Variants in NT5M observed in about 807,000 individuals in gnomAD.
NT5M encodes 5',3'-nucleotidase, mitochondrial.
A neutral mutation model predicts 22.2 loss-of-function variants in NT5M; 22 were observed. That is an observed-to-expected ratio of 0.99 (90% confidence interval 0.71 to 1.41). The LOEUF is 1.41. NT5M is among the 40% of genes most tolerant of loss of function. NT5M has a pLI of 0.00. For synonymous variants in NT5M, 167 were observed against 133.0 expected (o/e 1.26, Z -1.76); for missense variants, 322 against 314.8 (o/e 1.02, Z -0.17).
rs150297812 is a variant in NT5M, at chr17:17,344,054, G to A, written c.430-740G>A. On this transcript the variant is annotated intron_variant, in intron 3 of 4. Coordinates refer to ENST00000389022, the MANE Select transcript of NT5M (RefSeq NM_020201.4). ...AATCGAGGCAAAGGGAAAGGATGCC[G>A]AGAGCCCACCAGTGGCGAGAGGATG... is the stretch of plus-strand genomic sequence containing the variant. Among the ~76,000 whole-genome samples the A allele has an allele frequency of 3.3e-5, 5 of 152,292 alleles. No individual in the cohort carries two copies. The East Asian group carries it at 7.7e-4, about 24-fold the overall frequency.
intron 2 of NT5M, among the ~76,000 whole-genome samples, chr17:17,321,219 C>T (rs1329996725): frequency 6.6e-6 from 1 of 150,732 alleles, no homozygotes; most frequent in Non-Finnish European, 1.5e-5. Flanking sequence ...AGCAAGCGGG[C>T]ATTCGGGAGG....
At chr17:17,317,397 A>AT (rs1487626733) in intron 2 of NT5M, among the ~76,000 whole-genome samples, 1 of 152,120 alleles carries the variant, frequency 6.6e-6, no homozygotes, top group African/African-American at 2.4e-5. Context: ...TTGGATAGAC[A>AT]TTTTTCCAAT....
intron 2 of NT5M, among the ~76,000 whole-genome samples, chr17:17,320,719 C>T (rs2049133521): frequency 6.6e-6 from 1 of 152,048 alleles, no homozygotes; most frequent in South Asian, 2.1e-4. Context: ...CTGAGAGCCC[C>T]CGAGGGCCTA....
At chr17:17,331,105 G>C in intron 3 of NT5M, among the ~76,000 whole-genome samples, 1 of 151,502 alleles carries the variant, frequency 6.6e-6, no homozygotes, top group East Asian at 1.9e-4. Context: ...ACTCCCTGTA[G>C]GACTTAGGCT....
intron 2 of NT5M, among the ~76,000 whole-genome samples, chr17:17,311,035 C>A (rs559356412): frequency 1.8e-3 from 271 of 152,130 alleles, no homozygotes; most frequent in South Asian, 5.4e-3. Flanking sequence ...CCTGTGTTTT[C>A]TTTAAGAGTT....
intron 2 of NT5M, among the ~76,000 whole-genome samples, chr17:17,308,787 A>G (rs959517460): frequency 6.6e-5 from 10 of 152,166 alleles, no homozygotes; most frequent in African/African-American, 1.9e-4. Context: ...GGCAACCACT[A>G]ATCTACTTTC....
intron 3 of NT5M, chr17:17,333,408 A>T (rs1007690545): frequency 6.6e-6 from 1 of 152,004 alleles, no homozygotes; most frequent in Non-Finnish European, 1.5e-5. Flanking sequence ...GGCTGAAGTG[A>T]TCCTCCCACC....
chr17:17,340,276 C>G (rs2049609667), intron 3 of NT5M, among the ~76,000 whole-genome samples: 1 of 152,110 alleles, frequency 6.6e-6, no homozygotes, highest in African/African-American at 2.4e-5. Context: ...TGTAGTTGCC[C>G]ATAGTAGCCA....
At chr17:17,319,801 G>A (rs192386566) in intron 2 of NT5M, among the ~76,000 whole-genome samples, 14 of 152,188 alleles carry the variant, frequency 9.2e-5, no homozygotes, top group Non-Finnish European at 1.8e-4. Context: ...TGATTGTGGT[G>A]ATCTGGGTTT....
At chr17:17,329,038 C>T (rs578213814) in intron 3 of NT5M, among the ~76,000 whole-genome samples, 46 of 152,214 alleles carry the variant, frequency 3.0e-4, no homozygotes, top group African/African-American at 1.0e-3. Context: ...AGTGCAGTGG[C>T]GTGATCTTGG....
chr17:17,336,000 CTTT>C (rs1167144502), intron 3 of NT5M, among the ~76,000 whole-genome samples: 3 of 98,924 alleles, frequency 3.0e-5, no homozygotes. Context: ...CTTATTCATT[CTTT>C]TTTTTTTTTT....
chr17:17,332,567 C>G (rs566781612), intron 3 of NT5M, among the ~76,000 whole-genome samples: 1 of 152,190 alleles, frequency 6.6e-6, no homozygotes, highest in Non-Finnish European at 1.5e-5. Context: ...AACGACAGCA[C>G]CGCTTTATGC....
chr17:17,312,690 A>G (rs1476721294), intron 2 of NT5M, among the ~76,000 whole-genome samples: 1 of 150,016 alleles, frequency 6.7e-6, no homozygotes, highest in East Asian at 2.0e-4. Context: ...GGGGTTTGGT[A>G]GCTCATGCCT....
intron 3 of NT5M, among the ~76,000 whole-genome samples, chr17:17,343,218 G>A (rs1167632955): frequency 6.6e-6 from 1 of 152,158 alleles, no homozygotes; most frequent in Non-Finnish European, 1.5e-5. Flanking sequence ...GGTGCTCACT[G>A]GGCTAGGAGA....
chr17:17,308,577 G>A (rs1224076502), intron 2 of NT5M, among the ~76,000 whole-genome samples: 3 of 151,824 alleles, frequency 2.0e-5, no homozygotes, highest in African/African-American at 7.3e-5. Context: ...GGGCAACAGA[G>A]TGAAACTCTG....
chr17:17,303,530 G>C lies in NT5M; in HGVS notation c.-21G>C. ...GCGCGGCCCAGGTCCCCGCGCCCAC[G>C]ACGGGCCAGCGCGCTGGGCCATGAT... On this transcript the variant is annotated 5_prime_UTR_variant, in exon 1 of 5. Coordinates refer to ENST00000389022, the MANE Select transcript of NT5M (RefSeq NM_020201.4). The C allele has an allele frequency of 9.6e-7, 1 of 1,041,464 alleles. No homozygotes were observed. The highest frequency in any genetic ancestry group is 1.7e-5 in the African/African-American group (1 of 58,268). The allele number at this position is 1,041,464 out of a possible 1,614,324, so 64.5% of individuals were successfully genotyped here.
In NT5M at chr17:17,306,539, T is replaced by C; in HGVS notation, c.268-4T>C. On this transcript the variant is annotated splice_region_variant and splice_polypyrimidine_tract_variant and intron_variant, in intron 1 of 4. Coordinates refer to ENST00000389022, the MANE Select transcript of NT5M (RefSeq NM_020201.4). ...GAAGTAACTTGCTTTTCTCAACTTC[T>C]CAGGAGAAGGCCATCAGCATTTGGG... is the stretch of plus-strand genomic sequence containing the variant. 6.2e-7 allele frequency: 1 copy of C among 1,611,762 alleles called. No homozygotes were observed.
At position 17,311,920 on chromosome 17, in the gene NT5M, G is replaced by A. The variant is rs117430128; in HGVS notation, c.368+5277G>A. On this transcript the variant is annotated intron_variant, in intron 2 of 4. Coordinates refer to ENST00000389022, the MANE Select transcript of NT5M (RefSeq NM_020201.4). ...CACTTAAGCTTTCAAAACCCTGCTC[G>A]TGGCCTGGATCAGCATGTGCTGACC... Among the ~76,000 whole-genome samples, 1,171 of 152,332 alleles carry A rather than the reference G, an allele frequency of 7.7e-3. 51 individuals are homozygous for A. Among genetic ancestry groups the A allele is most frequent in the Admixed American group, 0.054 (830 of 15,292 alleles).
intron 2 of NT5M, among the ~76,000 whole-genome samples, chr17:17,308,115 A>G (rs73300362): frequency 0.12 from 18,253 of 152,196 alleles, 1,211 homozygotes; most frequent in Non-Finnish European, 0.14. Flanking sequence ...AAAGAGGTTC[A>G]GCGGGAAACT....
Sources: allele counts gnomAD v4.1 joint callset (sites outside exome capture counted in the v4.1 genomes callset), GRCh38; gene constraint gnomAD v4.1.1; transcripts MANE v1.5; gene names NCBI Gene and HGNC (gene_info 2026-07-23, HGNC 2026-07-21).